Variants in TBL1XR1 observed in about 807,000 individuals in gnomAD.
TBL1XR1 encodes the protein TBL1X/Y related 1.
In TBL1XR1, 5 loss-of-function variants were observed where a neutral mutation model predicts 66.9. The observed-to-expected ratio is 0.07, with a 90% CI of 0.04 to 0.16. TBL1XR1 has a LOEUF of 0.16. Ranked by LOEUF, TBL1XR1 falls within the 10% of genes least tolerant of loss-of-function variation. The pLI is 1.00. For synonymous variants in TBL1XR1, 210 were observed against 206.0 expected, an observed-to-expected ratio of 1.02 and a Z score of -0.17; for missense variants, 238 against 623.2, an observed-to-expected ratio of 0.38 and a Z score of 6.58.
chr3:177,141,353 A>G (rs1362082732), intron 1 of TBL1XR1, among the ~76,000 whole-genome samples: 1 of 152,222 alleles, frequency 6.6e-6, no homozygotes, highest in Non-Finnish European at 1.5e-5. Flanking sequence ...TACCAGGTAG[A>G]AGTTAAGTAA....
At chr3:177,033,983 T>TAC (rs1462233708) in intron 13 of TBL1XR1, among the ~76,000 whole-genome samples, 1 of 151,644 alleles carries the variant, frequency 6.6e-6, no homozygotes, top group Non-Finnish European at 1.5e-5. Context: ...ACACACTGGG[T>TAC]ACACTACACT....
intron 2 of TBL1XR1, among the ~76,000 whole-genome samples, chr3:177,087,628 A>T (rs4857816): frequency 0.22 from 33,682 of 152,078 alleles, 4,076 homozygotes; most frequent in East Asian, 0.5. Flanking sequence ...CAGAACCTGT[A>T]TGAAACTAGA....
intron 1 of TBL1XR1, among the ~76,000 whole-genome samples, chr3:177,190,209 T>C (rs763287628): frequency 2.0e-5 from 3 of 147,722 alleles, no homozygotes; most frequent in Non-Finnish European, 3.0e-5. Context: ...CTGACACATA[T>C]ATAACCAGAT....
At chr3:177,200,519 A>G (rs886335468), upstream of TBL1XR1, among the ~76,000 whole-genome samples, 4 of 152,160 alleles carry the variant, frequency 2.6e-5, no homozygotes, top group African/African-American at 9.7e-5. Context: ...AGCATAAAGG[A>G]TCAGGGCTGC....
rs1036142819 is a variant in TBL1XR1, at chr3:177,023,383, C to T, written c.*2115G>A. On this transcript the variant is annotated 3_prime_UTR_variant, in exon 16 of 16. Transcript: ENST00000457928. ...GAGGTCAACCACAGATGTGGACCTC[C>T]AGCAATAAAAGCAGGAATTCAAGTG... 1 of 152,254 alleles carries T rather than the reference C, an allele frequency of 6.6e-6. No homozygotes were observed. Among genetic ancestry groups the T allele is most frequent in the African/African-American group, 2.4e-5 (1 of 41,326 alleles). 9.4% of individuals were successfully genotyped at this position (152,254 alleles called of 1,614,324 possible). A position where few individuals can be genotyped will look rare whatever the true frequency, so the allele number is the denominator to read the frequency against.
chr3:177,113,216 C>CAA (rs141967053), intron 1 of TBL1XR1, among the ~76,000 whole-genome samples: 13 of 151,250 alleles, frequency 8.6e-5, no homozygotes, highest in Non-Finnish European at 1.6e-4. Flanking sequence ...AAAAATTAAA[C>CAA]AAAAAAAATG....
Position 177,068,618 on chromosome 3 carries a change from A to G in TBL1XR1, c.-45-3596T>C, listed in dbSNP as rs141998257. The stretch of plus-strand genomic sequence containing the variant: ...CAGTTCAGCATATACTCGCTGGACA[A>G]CTACTGCTCCAAATATTTAATCCTC... On this transcript the variant is annotated intron_variant, in intron 2 of 15. Transcript: ENST00000457928. 1.8e-4 allele frequency among the ~76,000 whole-genome samples: 28 copies of G among 152,334 alleles called. 1 individual carries two copies. The highest frequency in any genetic ancestry group is 1.8e-3 in the Admixed American group (27 of 15,292).
intron 1 of TBL1XR1, among the ~76,000 whole-genome samples, chr3:177,179,142 G>C (rs1324974073): frequency 1.6e-5 from 2 of 128,412 alleles, no homozygotes; most frequent in Non-Finnish European, 3.2e-5. Context: ...AAAAAAAAAA[G>C]ATACTTGGGG....
chr3:177,076,053 A>C (rs1212227252), intron 2 of TBL1XR1, among the ~76,000 whole-genome samples: 2 of 152,232 alleles, frequency 1.3e-5, no homozygotes, highest in Non-Finnish European at 2.9e-5. Context: ...CCCAAGATCA[A>C]GGTGCCAGCA....
intron 1 of TBL1XR1, among the ~76,000 whole-genome samples, chr3:177,122,754 A>G (rs1727129622): frequency 6.6e-6 from 1 of 152,186 alleles, no homozygotes; most frequent in African/African-American, 2.4e-5. Flanking sequence ...ACAGAAGATC[A>G]CATAAGTGCA....
chr3:177,153,817 CAGTGAGCCAAGATCGCGCCACTGCA>C (rs1731178659), intron 1 of TBL1XR1, among the ~76,000 whole-genome samples: 4 of 144,850 alleles, frequency 2.8e-5, no homozygotes, highest in Non-Finnish European at 5.9e-5. Flanking sequence ...GCGGAGGTTG[CAGTGAGCCAAGATCGCGCCACTGCA>C]CTCCAGCCTG....
chr3:177,056,382 C>T (rs978338412), intron 3 of TBL1XR1, among the ~76,000 whole-genome samples: 24 of 152,118 alleles, frequency 1.6e-4, no homozygotes, highest in Non-Finnish European at 3.4e-4. Flanking sequence ...TGGAATGTTG[C>T]AGATATCCTG....
chr3:177,062,027 C>T (rs1452150030), intron 3 of TBL1XR1, among the ~76,000 whole-genome samples: 2 of 152,192 alleles, frequency 1.3e-5, no homozygotes, highest in Non-Finnish European at 2.9e-5. Context: ...AGAACTATAA[C>T]ATTCTCAAAC....
intron 2 of TBL1XR1, among the ~76,000 whole-genome samples, chr3:177,088,811 T>G (rs1485031405): frequency 6.6e-6 from 1 of 152,142 alleles, no homozygotes; most frequent in Non-Finnish European, 1.5e-5. Context: ...GCATACATTC[T>G]CAACCAAATG....
Position 177,035,713 on chromosome 3 carries a change from G to T in TBL1XR1, c.1123-1388C>A, listed in dbSNP as rs143416424. On this transcript the variant is annotated intron_variant, in intron 12 of 15. Transcript: ENST00000457928. ...ATAGGCATGAGCTGTGGCAACATGG[G>T]GGCACTAGCTGTGGGTGTCTGCCTG... 1.1e-3 allele frequency among the ~76,000 whole-genome samples: 170 copies of T among 152,190 alleles called. 3 individuals carry two copies. Among genetic ancestry groups the T allele is most frequent in the African/African-American group, 3.9e-3 (163 of 41,530 alleles).
chr3:177,134,798 G>GTAA (rs1228545247), intron 1 of TBL1XR1, among the ~76,000 whole-genome samples: 2 of 152,112 alleles, frequency 1.3e-5, no homozygotes, highest in African/African-American at 4.8e-5. Context: ...TACGTCTCTA[G>GTAA]TAATAACATG....
chr3:177,143,035 T>C (rs1210544319), intron 1 of TBL1XR1, among the ~76,000 whole-genome samples: 2 of 151,490 alleles, frequency 1.3e-5, no homozygotes, highest in South Asian at 4.2e-4. Flanking sequence ...TTTCACTATT[T>C]AAAATAGCAC....
intron 2 of TBL1XR1, among the ~76,000 whole-genome samples, chr3:177,085,697 T>G (rs569826613): frequency 1.1e-4 from 16 of 152,260 alleles, no homozygotes; most frequent in Admixed American, 1.0e-3. Flanking sequence ...AATAAGAGAT[T>G]ACATATAGAT....
At chr3:177,180,194 G>A (rs1479007394) in intron 1 of TBL1XR1, among the ~76,000 whole-genome samples, 1 of 138,404 alleles carries the variant, frequency 7.2e-6, no homozygotes, top group Non-Finnish European at 1.5e-5. Context: ...CTGAGATCGT[G>A]TCACTGCACT....
Sources: gnomAD v4.1 joint callset for allele counts (sites outside exome capture counted in the v4.1 genomes callset) on GRCh38, gnomAD v4.1.1 for gene constraint, MANE v1.5 for transcripts, NCBI Gene and HGNC (gene_info 2026-07-23, HGNC 2026-07-21) for gene names.